RAMP1: variants seen among roughly 807,000 people sequenced by gnomAD.
RAMP1 encodes receptor activity-modifying protein 1.
In RAMP1, 7 loss-of-function variants were observed where a neutral mutation model predicts 8.2. The ratio of observed to expected loss-of-function variants is 0.85; its 90% CI spans 0.49 to 1.60. The LOEUF (loss-of-function observed/expected upper bound fraction) is 1.60. RAMP1 is among the 40% of genes most tolerant of loss of function. RAMP1 has a pLI of 0.00. For missense variants in RAMP1, 192 were observed against 202.4 expected, an observed-to-expected ratio of 0.95 and a Z score of 0.31; for synonymous variants, 92 against 84.7, an observed-to-expected ratio of 1.09 and a Z score of -0.47.
intron 2 of RAMP1, among the ~76,000 whole-genome samples, chr2:237,882,287 A>G (rs1314778083): frequency 1.3e-5 from 2 of 152,154 alleles, no homozygotes; most frequent in Non-Finnish European, 2.9e-5. Flanking sequence ...CTCCAGAACT[A>G]TCAATGGGTC....
intron 2 of RAMP1, among the ~76,000 whole-genome samples, chr2:237,909,835 G>A (rs556346687): frequency 1.4e-4 from 21 of 152,222 alleles, no homozygotes; most frequent in African/African-American, 4.8e-4. Flanking sequence ...GAGCCCTGGG[G>A]AGCAGAGTCC....
At chr2:237,898,055 T>C (rs1427785919) in intron 2 of RAMP1, among the ~76,000 whole-genome samples, 1 of 152,162 alleles carries the variant, frequency 6.6e-6, no homozygotes, top group Non-Finnish European at 1.5e-5. Context: ...CTCCTCAGCC[T>C]CCCACAGTGC....
At chr2:237,896,426 A>AGGAGAAGGGGAGGGAGGC (rs2062542817) in intron 2 of RAMP1, among the ~76,000 whole-genome samples, 1 of 152,164 alleles carries the variant, frequency 6.6e-6, no homozygotes, top group Admixed American at 6.5e-5. Context: ...CCACCATAGC[A>AGGAGAAGGGGAGGGAGGC]GGAGAAGGGG....
intron 1 of RAMP1, among the ~76,000 whole-genome samples, chr2:237,864,473 T>C (rs1229492259): frequency 2.0e-5 from 3 of 152,232 alleles, no homozygotes; most frequent in Admixed American, 1.3e-4. Flanking sequence ...GAGGAGACAG[T>C]TGTGAGAGGG....
intron 2 of RAMP1, among the ~76,000 whole-genome samples, chr2:237,882,426 G>C (rs1293205164): frequency 6.6e-6 from 1 of 152,208 alleles, no homozygotes; most frequent in African/African-American, 2.4e-5. Flanking sequence ...GGCTTTTTGA[G>C]GTCAGCAGCA....
At chr2:237,909,074 CCATGGGGCAAGGGCTCATT>C (rs1292705934) in intron 2 of RAMP1, among the ~76,000 whole-genome samples, 1 of 152,174 alleles carries the variant, frequency 6.6e-6, no homozygotes, top group Non-Finnish European at 1.5e-5. Flanking sequence ...CAGGCTGCCC[CCATGGGGCAAGGGCTCATT>C]CAAGGCTCTC....
At chr2:237,871,557 G>A (rs371645685) in intron 1 of RAMP1, among the ~76,000 whole-genome samples, 6 of 152,120 alleles carry the variant, frequency 3.9e-5, no homozygotes, top group Non-Finnish European at 8.8e-5. Flanking sequence ...AGCAGCAGGC[G>A]TTCCTATGGG....
At chr2:237,885,784 T>G (rs916066038) in intron 2 of RAMP1, among the ~76,000 whole-genome samples, 19 of 152,182 alleles carry the variant, frequency 1.2e-4, no homozygotes, top group African/African-American at 4.3e-4. Context: ...CCTGGCTAGA[T>G]GTCTGTTCCC....
chr2:237,894,746 G>A (rs1197126415), intron 2 of RAMP1, among the ~76,000 whole-genome samples: 1 of 152,212 alleles, frequency 6.6e-6, no homozygotes, highest in African/African-American at 2.4e-5. Flanking sequence ...CTTTTGAACT[G>A]TGGAGAGGCC....
At chr2:237,882,392 T>C (rs982049284) in intron 2 of RAMP1, among the ~76,000 whole-genome samples, 16 of 152,250 alleles carry the variant, frequency 1.1e-4, no homozygotes, top group Non-Finnish European at 2.4e-4. Context: ...TGCTGGGCTT[T>C]GTGTCGAGCA....
chr2:237,889,326 C>T (rs889838413), intron 2 of RAMP1, among the ~76,000 whole-genome samples: 4 of 152,176 alleles, frequency 2.6e-5, no homozygotes, highest in Non-Finnish European at 4.4e-5. Context: ...TGTAGTTGTT[C>T]TGTGTTTTGA....
At chr2:237,906,916 T>G (rs755847057) in intron 2 of RAMP1, among the ~76,000 whole-genome samples, 24 of 152,152 alleles carry the variant, frequency 1.6e-4, no homozygotes, top group Non-Finnish European at 3.1e-4. Context: ...AGAGATGAGG[T>G]TTCACCATGT....
At chr2:237,871,318 C>T (rs1012645759) in intron 1 of RAMP1, among the ~76,000 whole-genome samples, 3 of 152,212 alleles carry the variant, frequency 2.0e-5, no homozygotes, top group Non-Finnish European at 4.4e-5. Context: ...AGTGCTTTCA[C>T]TCTAGAGGAT....
intron 1 of RAMP1, among the ~76,000 whole-genome samples, chr2:237,871,990 C>T (rs1029413000): frequency 1.3e-5 from 2 of 152,148 alleles, no homozygotes; most frequent in Non-Finnish European, 2.9e-5. Context: ...TCAATAAAGG[C>T]GTGTTTTAGA....
intron 1 of RAMP1, among the ~76,000 whole-genome samples, chr2:237,868,584 A>C (rs565164651): frequency 2.5e-3 from 295 of 115,740 alleles, no homozygotes; most frequent in African/African-American, 0.015. Context: ...CACCAAAAAA[A>C]AAAAACAAAA....
Position 237,877,935 on chromosome 2 carries a change from C to T in RAMP1, c.191+573C>T. ...CGCTTGAGGGGCTCCCTCATTGCCT[C>T]CCTCAGCCTCCTGGGTGCTGGGCCC... On this transcript the variant is annotated intron_variant, in intron 2 of 2. Transcript: ENST00000254661. This position sits in a 1 kb window ranked among gnomAD's most constrained non-coding sequence, Gnocchi z 4.4. 1.0e-6 allele frequency: 1 copy of T among 985,246 alleles called. No individual in the cohort carries two copies. The highest frequency in any genetic ancestry group is 1.2e-6 in the Non-Finnish European group (1 of 829,746). 61.0% of individuals were successfully genotyped at this position (985,246 alleles called of 1,614,324 possible).
At position 237,878,250 on chromosome 2, in the gene RAMP1, G is replaced by A. The variant is rs2062329956; in HGVS notation, c.191+888G>A. The stretch of plus-strand genomic sequence containing the variant: ...CCACCGATGACAAGCGCTTTCCCCA[G>A]TGCCTGAGAGAAAGGGAGCCCTGGG... On this transcript the variant is annotated intron_variant, in intron 2 of 2. Transcript: ENST00000254661. This position sits in a 1 kb window ranked among gnomAD's most constrained non-coding sequence, Gnocchi z 5.7. The A allele has an allele frequency of 4.3e-6, 4 of 922,856 alleles. No individual in the cohort carries two copies. Among genetic ancestry groups the A allele is most frequent in the Non-Finnish European group, 5.2e-6 (4 of 772,900 alleles). 57.2% of individuals were successfully genotyped at this position (922,856 alleles called of 1,614,324 possible). A position where few individuals can be genotyped will look rare whatever the true frequency, so the allele number is the denominator to read the frequency against.
upstream of RAMP1, chr2:237,859,601 G>A (rs1042747842): frequency 8.8e-6 from 10 of 1,132,682 alleles, no homozygotes; most frequent in African/African-American, 9.9e-5. Context: ...CGTCTCCTCC[G>A]GGCCCGCGCC....
At chr2:237,873,638 G>A (rs953056963) in intron 1 of RAMP1, among the ~76,000 whole-genome samples, 2 of 152,202 alleles carry the variant, frequency 1.3e-5, no homozygotes, top group Middle Eastern at 3.2e-3. Flanking sequence ...GAGCGCAGCC[G>A]TCTACCCAGC....
Sources: gnomAD v4.1 joint callset for allele counts (sites outside exome capture counted in the v4.1 genomes callset) on GRCh38, gnomAD v4.1.1 for gene constraint, Gnocchi (gnomAD v3.1) non-coding constraint, MANE v1.5 for transcripts, NCBI Gene and HGNC (gene_info 2026-07-23, HGNC 2026-07-21) for gene names.